Variants in EIF5A2 observed in about 807,000 individuals in gnomAD.
The protein encoded by EIF5A2 is eukaryotic translation initiation factor 5A2.
Under a neutral mutation model 16.4 loss-of-function variants are expected in EIF5A2, and 15 were observed. The ratio of observed to expected loss-of-function variants is 0.92; its 90% CI spans 0.61 to 1.41. EIF5A2 has a LOEUF of 1.41. Among genes scored for constraint, EIF5A2 ranks in the 40% most tolerant of loss-of-function variants. The probability of loss-of-function intolerance (pLI) is 0.00; values close to 1 mark genes in which losing one functional copy is unlikely to be tolerated. For missense variants in EIF5A2, 144 were observed against 189.5 expected, an observed-to-expected ratio of 0.76 and a Z score of 1.41; for synonymous variants, 48 against 61.1, an observed-to-expected ratio of 0.79 and a Z score of 1.00.
rs1183214042 is a variant in EIF5A2, at chr3:170,890,546, A to G, written c.*2814T>C. 2 of 152,300 alleles carry G rather than the reference A, an allele frequency of 1.3e-5. No homozygotes were observed. Among genetic ancestry groups the G allele is most frequent in the African/African-American group, 2.4e-5 (1 of 41,590 alleles). The allele number at this position is 152,300 out of a possible 1,614,324, so 9.4% of individuals were successfully genotyped here. A position where few individuals can be genotyped will look rare whatever the true frequency, so the allele number is the denominator to read the frequency against. ...ATGTTTATGATGCAAATGCTAAGTC[A>G]AAGTAGCAATGATATGATCTATGTT... is the stretch of plus-strand genomic sequence containing the variant. On this transcript the variant is annotated 3_prime_UTR_variant, in exon 5 of 5. Transcript: ENST00000295822.
At chr3:170,904,316 TATC>T (rs1340362352) in intron 3 of EIF5A2, among the ~76,000 whole-genome samples, 2 of 152,230 alleles carry the variant, frequency 1.3e-5, no homozygotes, top group Admixed American at 6.5e-5. Flanking sequence ...ACTTTTTAAT[TATC>T]ATAATGAACA....
At chr3:170,903,687 C>A (rs1338785666) in intron 3 of EIF5A2, among the ~76,000 whole-genome samples, 1 of 152,144 alleles carries the variant, frequency 6.6e-6, no homozygotes, top group Non-Finnish European at 1.5e-5. Flanking sequence ...AGACTTTAAG[C>A]TCAAGGAATT....
chr3:170,898,410 T>C (rs182560248), intron 3 of EIF5A2, among the ~76,000 whole-genome samples: 37 of 152,316 alleles, frequency 2.4e-4, no homozygotes, highest in Middle Eastern at 3.4e-3. Context: ...TAGGAGGTGA[T>C]TGGATCATGG....
At position 170,888,852 on chromosome 3, in the gene EIF5A2, C is replaced by G. The variant is rs1712449527; in HGVS notation, c.*4508G>C. The G allele has an allele frequency of 6.6e-6, 1 of 152,340 alleles. No homozygotes were observed. Among genetic ancestry groups the G allele is most frequent in the Non-Finnish European group, 1.5e-5 (1 of 67,952 alleles). The allele number at this position is 152,340 out of a possible 1,614,324, so 9.4% of individuals were successfully genotyped here. On this transcript the variant is annotated 3_prime_UTR_variant, in exon 5 of 5. Transcript: ENST00000295822. The stretch of plus-strand genomic sequence containing the variant: ...ATGCTTTGTAACAAGCACAAGAATG[C>G]TTATTTATAGTAGATATTAACCACA...
At position 170,895,039 on chromosome 3, in the gene EIF5A2, A is replaced by G. The variant is rs576980583; in HGVS notation, c.271-616T>C. On this transcript the variant is annotated intron_variant, in intron 3 of 4. Coordinates refer to ENST00000295822, the MANE Select transcript of EIF5A2 (RefSeq NM_020390.6). ...AGACTCTGTCTCAAAAAAAAAAAAA[A>G]AAAAAAAAGAGATATTATAAGTACT... Among the ~76,000 whole-genome samples, 3 of 151,306 alleles carry G rather than the reference A, an allele frequency of 2.0e-5. No homozygotes were observed. In the East Asian group the frequency reaches 5.8e-4, roughly 29 times the overall value.
At chr3:170,907,550 T>C in intron 2 of EIF5A2, 92 bp downstream of exon 2, 1 of 1,370,554 alleles carries the variant, frequency 7.3e-7, no homozygotes, top group Non-Finnish European at 9.6e-7. Flanking sequence ...TATTACAAAA[T>C]TTTAAGTATA....
rs564593017 is a variant in EIF5A2 at position 170,890,714 on chromosome 3, C to A, written c.*2646G>T. ...TGTACAATGATATCAACATGACAGT[C>A]CACATTCTATACATGGTAACTCGTG... On this transcript the variant is annotated 3_prime_UTR_variant, in exon 5 of 5. Coordinates refer to ENST00000295822, the MANE Select transcript of EIF5A2 (RefSeq NM_020390.6). 1 of 152,586 alleles carries A rather than the reference C, an allele frequency of 6.6e-6. No homozygotes were observed. The highest frequency in any genetic ancestry group is 1.5e-5 in the Non-Finnish European group (1 of 67,950). 9.5% of individuals were successfully genotyped at this position (152,586 alleles called of 1,614,324 possible).
At chr3:170,900,197 C>T (rs1156856096) in intron 3 of EIF5A2, among the ~76,000 whole-genome samples, 1 of 151,630 alleles carries the variant, frequency 6.6e-6, no homozygotes, top group Non-Finnish European at 1.5e-5. Flanking sequence ...ATGGCAAAAC[C>T]TCGTCTCTAC....
chr3:170,902,694 C>T (rs1319919796), intron 3 of EIF5A2, among the ~76,000 whole-genome samples: 8 of 151,058 alleles, frequency 5.3e-5, no homozygotes, highest in South Asian at 2.1e-4. Flanking sequence ...CTGCAACCTC[C>T]GCCTCCCAGG....
In EIF5A2 at chr3:170,891,028, CCATT is replaced by C. The variant is rs568542082; in HGVS notation, c.*2328_*2331del. The C allele has an allele frequency of 7.2e-5, 11 of 152,512 alleles. No individual in the cohort carries two copies. The highest frequency in any genetic ancestry group is 3.9e-4 in the East Asian group (2 of 5,180). 9.4% of individuals were successfully genotyped at this position (152,512 alleles called of 1,614,324 possible). A position where few individuals can be genotyped will look rare whatever the true frequency, so the allele number is the denominator to read the frequency against. On this transcript the variant is annotated 3_prime_UTR_variant, in exon 5 of 5. Coordinates refer to ENST00000295822, the MANE Select transcript of EIF5A2 (RefSeq NM_020390.6). Reference sequence around the variant, plus strand: ...AATATTTATGCATAAATAGCGTTTGCCATTCAAAGTATGAAGATAGAGATGCATT... The same window carrying C: ...AATATTTATGCATAAATAGCGTTTGCCAAAGTATGAAGATAGAGATGCATT...
At chr3:170,906,899 A>T in intron 3 of EIF5A2, 90 bp downstream of exon 3, 1 of 760,778 alleles carries the variant, frequency 1.3e-6, no homozygotes, top group Non-Finnish European at 2.0e-6. Flanking sequence ...CTACAAAACT[A>T]CTCTTGGGTT....
chr3:170,895,054 T>G (rs1032540635), intron 3 of EIF5A2, among the ~76,000 whole-genome samples: 2 of 148,644 alleles, frequency 1.3e-5, no homozygotes, highest in Non-Finnish European at 3.0e-5. Flanking sequence ...AAAAGAGATA[T>G]TATAAGTACT....
chr3:170,905,105 C>T (rs1450129194), intron 3 of EIF5A2, among the ~76,000 whole-genome samples: 2 of 152,300 alleles, frequency 1.3e-5, no homozygotes, highest in East Asian at 1.9e-4. Context: ...CCTCAGTGAT[C>T]AGATAGGCAT....
intron 4 of EIF5A2, 141 bp downstream of exon 4, chr3:170,894,151 G>A: frequency 2.1e-6 from 2 of 942,636 alleles, no homozygotes; most frequent in South Asian, 4.0e-5. Context: ...GGGTTTTATG[G>A]AAAACCTGCC....
rs753551396 is a variant in EIF5A2, at chr3:170,907,010, A to G, written c.249T>C (p.Asn83=). 2.5e-6 allele frequency: 4 copies of G among 1,607,300 alleles called. No individual in the cohort carries two copies. In the South Asian group the frequency reaches 4.5e-5, roughly 18 times the overall value. The part of the protein sequence containing the change: ...CPSTHNMDVP[N]IKRNDYQLIC... ...TTACTTGATAATCATTTCTCTTAATATTTGGAACATCCATGTTGTGAGTAG... is the reference window on the plus strand; with the variant it reads ...TTACTTGATAATCATTTCTCTTAATGTTTGGAACATCCATGTTGTGAGTAG... Residue 83 remains asparagine, a synonymous_variant, in exon 3 of 5, where the codon AAT becomes AAC. Transcript: ENST00000295822.
At chr3:170,903,327 G>A (rs1486072836) in intron 3 of EIF5A2, among the ~76,000 whole-genome samples, 1 of 152,168 alleles carries the variant, frequency 6.6e-6, no homozygotes, top group Non-Finnish European at 1.5e-5. Context: ...ATAATTCGCT[G>A]GCTCACGTAC....
chr3:170,899,195 C>T (rs75947382), intron 3 of EIF5A2, among the ~76,000 whole-genome samples: 2 of 152,086 alleles, frequency 1.3e-5, no homozygotes, highest in East Asian at 3.9e-4. Context: ...CAGTTTCCTC[C>T]ACCCTTTAAC....
intron 3 of EIF5A2, among the ~76,000 whole-genome samples, chr3:170,899,312 C>A (rs1384585114): frequency 6.6e-6 from 1 of 152,138 alleles, no homozygotes; most frequent in African/African-American, 2.4e-5. Flanking sequence ...TCACTGCAGC[C>A]TCAACCTCCA....
Position 170,890,690 on chromosome 3 carries a change from G to A in EIF5A2, c.*2670C>T, listed in dbSNP as rs1416557783. ...ATACAGATAAAAATGGCTTATCACT[G>A]TACAATGATATCAACATGACAGTCC... On this transcript the variant is annotated 3_prime_UTR_variant, in exon 5 of 5. Coordinates refer to ENST00000295822, the MANE Select transcript of EIF5A2 (RefSeq NM_020390.6). 1 of 152,472 alleles carries A rather than the reference G, an allele frequency of 6.6e-6. No homozygotes were observed. The highest frequency in any genetic ancestry group is 2.4e-5 in the African/African-American group (1 of 41,416). 9.4% of individuals were successfully genotyped at this position (152,472 alleles called of 1,614,324 possible).
Sources: allele counts gnomAD v4.1 joint callset (sites outside exome capture counted in the v4.1 genomes callset), GRCh38; gene constraint gnomAD v4.1.1; transcripts MANE v1.5; gene names NCBI Gene and HGNC (gene_info 2026-07-23, HGNC 2026-07-21).